EXOSC1: variants seen among roughly 807,000 people sequenced by gnomAD.
The protein encoded by EXOSC1 is exosome component 1.
EXOSC1 carries 27 observed loss-of-function variants against 31.4 expected under a neutral mutation model. That is an observed-to-expected ratio of 0.86 (90% confidence interval 0.63 to 1.18). The LOEUF (loss-of-function observed/expected upper bound fraction) is 1.18, where lower values mean the gene tolerates loss of function less well. Among genes scored for constraint, EXOSC1 ranks in the 50% most tolerant of loss-of-function variants. The probability of loss-of-function intolerance (pLI) is 0.00; values close to 1 mark genes in which losing one functional copy is unlikely to be tolerated. For synonymous variants in EXOSC1, 84 were observed against 89.5 expected (o/e 0.94, Z 0.35); for missense variants, 228 against 250.3 (o/e 0.91, Z 0.60).
Position 97,438,655 on chromosome 10 carries a change from G to A in EXOSC1, c.345+15C>T, listed in dbSNP as rs774124502. 15 of 1,604,578 alleles carry A rather than the reference G, an allele frequency of 9.3e-6. No homozygotes were observed. Among genetic ancestry groups the A allele is most frequent in the East Asian group, 2.2e-5 (1 of 44,604 alleles). ...GATACGTAAAGCCATTAAAAAAAAA[G>A]AACCAACCAACAACCTTGTCTTTTT... On this transcript the variant is annotated intron_variant, in intron 5 of 7. Coordinates refer to ENST00000370902, the MANE Select transcript of EXOSC1 (RefSeq NM_016046.5).
At chr10:97,445,685 C>T in intron 2 of EXOSC1, 47 bp downstream of exon 2, 10 of 1,573,826 alleles carry the variant, frequency 6.4e-6, no homozygotes, top group Non-Finnish European at 8.7e-6. Flanking sequence ...AACTCAAGGG[C>T]AGCCTAAGGG....
intron 4 of EXOSC1, 175 bp downstream of exon 4, chr10:97,440,996 C>G (rs1845696438): frequency 1.3e-5 from 7 of 536,590 alleles, no homozygotes; most frequent in Non-Finnish European, 2.3e-5. Context: ...TCCTTTTGTC[C>G]TAGATCATCC....
intron 6 of EXOSC1, 61 bp from the exon 7 acceptor site, chr10:97,437,336 A>C (rs1589460913): frequency 3.0e-6 from 4 of 1,348,300 alleles, no homozygotes; most frequent in African/African-American, 1.5e-5. Context: ...CACCTTAGCC[A>C]CCTGAGTTGT....
In EXOSC1 at chr10:97,436,514, C is replaced by A; in HGVS notation, c.519G>T (p.Gln173His). The change falls in exon 8 of 8, where the codon CAG (glutamine) becomes CAT (histidine). Residue 173 changes from glutamine to histidine, a missense_variant. Physicochemically the swap from Gln to His is conservative, Grantham distance 24 (BLOSUM62 0). Transcript: ENST00000370902. ...ATTCTTTAGTGTGGGTCTTAGGGCA[C>A]TGCATCTCACACCAGCTGATGGGAA... The part of the protein sequence containing the change: ...QMVPISWCEM[Q>H]CPKTHTKEFR... 1 of 1,611,792 alleles carries A rather than the reference C, an allele frequency of 6.2e-7. No homozygotes were observed. The highest frequency in any genetic ancestry group is 8.5e-7 in the Non-Finnish European group (1 of 1,179,418).
At chr10:97,445,643 ACGCGTC>A in intron 2 of EXOSC1, 83 bp downstream of exon 2, 2 of 1,206,800 alleles carry the variant, frequency 1.7e-6, no homozygotes, top group Admixed American at 4.3e-5. Flanking sequence ...GGCACTAAAG[ACGCGTC>A]CGCAGTGCCC....
At chr10:97,438,473 T>G (rs1391598979) in intron 5 of EXOSC1, among the ~76,000 whole-genome samples, 197 bp downstream of exon 5, 1 of 151,670 alleles carries the variant, frequency 6.6e-6, no homozygotes, top group Non-Finnish European at 1.5e-5. Context: ...ATTTTTGAAT[T>G]TTTAAAATTT....
At chr10:97,442,766 C>A (rs1388460150) in intron 3 of EXOSC1, among the ~76,000 whole-genome samples, 2 of 152,148 alleles carry the variant, frequency 1.3e-5, no homozygotes, top group African/African-American at 4.8e-5. Context: ...CTGCAACCTC[C>A]ACCTCCTGGG....
At chr10:97,436,794 CG>C (rs1845552332) in intron 7 of EXOSC1, among the ~76,000 whole-genome samples, 1 of 152,130 alleles carries the variant, frequency 6.6e-6, no homozygotes, top group African/African-American at 2.4e-5. Context: ...GAGGCCAAGG[CG>C]GGCAGATCAT....
intron 7 of EXOSC1, 84 bp from the exon 8 acceptor site, chr10:97,436,635 T>G (rs1845546629): frequency 7.7e-7 from 1 of 1,301,372 alleles, no homozygotes; most frequent in Non-Finnish European, 1.0e-6. Flanking sequence ...GAAGCTGAAG[T>G]GCCACCAAGC....
In EXOSC1 at chr10:97,436,253, A is replaced by G. The variant is rs1490800391; in HGVS notation, c.*192T>C. On this transcript the variant is annotated 3_prime_UTR_variant, in exon 8 of 8. Transcript: ENST00000370902. ...TTTTGTTTGTTGGTGCCTTGAAAAG[A>G]TAAGATTTATTACTCAAGAGAATGA... is the stretch of plus-strand genomic sequence containing the variant. The G allele has an allele frequency of 9.9e-6, 5 of 503,330 alleles. No individual in the cohort carries two copies. The highest frequency in any genetic ancestry group is 1.8e-5 in the Non-Finnish European group (5 of 284,922). The allele number at this position is 503,330 out of a possible 1,614,324, so 31.2% of individuals were successfully genotyped here. A position where few individuals can be genotyped will look rare whatever the true frequency, so the allele number is the denominator to read the frequency against.
Position 97,436,532 on chromosome 10 carries a change from G to T in EXOSC1, c.501C>A (p.Ile167=). 3 of 1,607,944 alleles carry T rather than the reference G, an allele frequency of 1.9e-6. No homozygotes were observed. Among genetic ancestry groups the T allele is most frequent in the Non-Finnish European group, 2.5e-6 (3 of 1,178,406 alleles). Residue 167 remains isoleucine (I), a synonymous_variant, in exon 8 of 8, where the codon ATC becomes ATA. Coordinates refer to ENST00000370902, the MANE Select transcript of EXOSC1 (RefSeq NM_016046.5). ...HSESGIQMVP[I]SWCEMQCPKT... ...TAGGGCACTGCATCTCACACCAGCT[G>T]ATGGGAACCATCTGGATACCTGGAA...
intron 2 of EXOSC1, chr10:97,445,308 A>C (rs1845900877): frequency 6.1e-6 from 1 of 165,178 alleles, no homozygotes; most frequent in South Asian, 1.6e-4. Flanking sequence ...ATGTTATAAA[A>C]AATTTTTAAA....
intron 3 of EXOSC1, 150 bp downstream of exon 3, chr10:97,443,087 A>G: frequency 3.1e-6 from 2 of 654,800 alleles, no homozygotes; most frequent in East Asian, 2.7e-5. Flanking sequence ...GGCCTCTTAA[A>G]GTGCTAGAAT....
intron 1 of EXOSC1, 23 bp from the exon 2 acceptor site, chr10:97,445,870 G>T: frequency 6.2e-7 from 1 of 1,613,626 alleles, no homozygotes; most frequent in Non-Finnish European, 8.5e-7. Flanking sequence ...TGCTGCATCG[G>T]TCACGGGCCC....
intron 4 of EXOSC1, among the ~76,000 whole-genome samples, chr10:97,439,782 A>G (rs1845656925): frequency 6.6e-6 from 1 of 152,194 alleles, no homozygotes; most frequent in South Asian, 2.1e-4. Flanking sequence ...GCTGCACTAC[A>G]GAACCACATC....
chr10:97,439,217 A>G (rs1275429966), intron 4 of EXOSC1, among the ~76,000 whole-genome samples: 2 of 152,180 alleles, frequency 1.3e-5, no homozygotes, highest in Non-Finnish European at 2.9e-5. Flanking sequence ...ATAAAGGCAG[A>G]TCGGATTTGG....
Position 97,436,339 on chromosome 10 carries a change from T to C in EXOSC1, c.*106A>G. 1.3e-6 allele frequency: 1 copy of C among 788,920 alleles called. No individual in the cohort carries two copies. Among genetic ancestry groups the C allele is most frequent in the Non-Finnish European group, 2.2e-6 (1 of 461,592 alleles). The allele number at this position is 788,920 out of a possible 1,614,324, so 48.9% of individuals were successfully genotyped here. A position where few individuals can be genotyped will look rare whatever the true frequency, so the allele number is the denominator to read the frequency against. ...TACAGCGTAAACTGGAAGATTTTTC[T>C]GGAAGTGGCTGTTGGCCGACGCCAG... is the stretch of plus-strand genomic sequence containing the variant. On this transcript the variant is annotated 3_prime_UTR_variant, in exon 8 of 8. Coordinates refer to ENST00000370902, the MANE Select transcript of EXOSC1 (RefSeq NM_016046.5).
intron 2 of EXOSC1, chr10:97,445,090 C>G (rs1319769275): frequency 6.6e-6 from 1 of 151,960 alleles, no homozygotes; most frequent in East Asian, 1.9e-4. Context: ...TTTAACAAAA[C>G]AAACAAAAAC....
At chr10:97,441,377 T>G in intron 3 of EXOSC1, 118 bp from the exon 4 acceptor site, 1 of 704,426 alleles carries the variant, frequency 1.4e-6, no homozygotes, top group Non-Finnish European at 2.4e-6. Context: ...GTAGAGAATT[T>G]AAGACAAATT....
Sources: gnomAD v4.1 joint callset for allele counts (sites outside exome capture counted in the v4.1 genomes callset) on GRCh38, gnomAD v4.1.1 for gene constraint, MANE v1.5 for transcripts, NCBI Gene and HGNC (gene_info 2026-07-23, HGNC 2026-07-21) for gene names.